The following ZNF606 variants were observed in gnomAD, a reference collection of about 807,000 sequenced individuals.
ZNF606 encodes the protein zinc finger protein 606.
A neutral mutation model predicts 74.9 loss-of-function variants in ZNF606; 37 were observed. That is an observed-to-expected ratio of 0.49 (90% CI 0.38 to 0.65). The LOEUF (loss-of-function observed/expected upper bound fraction) is 0.65, where lower values mean the gene tolerates loss of function less well. ZNF606 is among the 30% of genes least tolerant of loss of function. The probability of loss-of-function intolerance (pLI) is 0.00; values close to 1 mark genes in which losing one functional copy is unlikely to be tolerated. For synonymous variants in ZNF606, 328 were observed against 312.4 expected (o/e 1.05, Z -0.53); for missense variants, 852 against 952.9 (o/e 0.89, Z 1.39).
intron 4 of ZNF606, chr19:57,997,414 GCTTT>G (rs1174226990): frequency 6.6e-6 from 1 of 152,180 alleles, no homozygotes; most frequent in African/African-American, 2.4e-5. Context: ...CCAGATAAAT[GCTTT>G]ATTTCAATAA....
At chr19:57,989,941 A>T (rs1490244639) in intron 4 of ZNF606, among the ~76,000 whole-genome samples, 1 of 149,160 alleles carries the variant, frequency 6.7e-6, no homozygotes, top group East Asian at 2.1e-4. Flanking sequence ...AATCCCAGCT[A>T]CTTGGGAGGC....
intron 4 of ZNF606, among the ~76,000 whole-genome samples, chr19:57,991,605 AC>A (rs1170924023): frequency 6.6e-6 from 1 of 151,656 alleles, no homozygotes; most frequent in Non-Finnish European, 1.5e-5. Flanking sequence ...GATGATGAAA[AC>A]CCGTCTCTAC....
intron 6 of ZNF606, among the ~76,000 whole-genome samples, chr19:57,983,346 G>C (rs557729622): frequency 6.6e-6 from 1 of 152,094 alleles, no homozygotes; most frequent in South Asian, 2.1e-4. Flanking sequence ...AAGCTGAGGC[G>C]GGTGGATTAC....
intron 6 of ZNF606, among the ~76,000 whole-genome samples, chr19:57,985,933 C>T (rs1479616751): frequency 5.4e-5 from 8 of 149,380 alleles, no homozygotes; most frequent in African/African-American, 2.0e-4. Context: ...GAGTCTGTCT[C>T]AATAAATAAA....
At chr19:58,002,836 G>T (rs766096623), upstream of ZNF606, 2 of 447,780 alleles carry the variant, frequency 4.5e-6, no homozygotes, top group Admixed American at 2.4e-5. Context: ...GCGCCGCGGG[G>T]TCTGCTGGGA....
At chr19:58,000,327 T>G (rs966909603) in intron 3 of ZNF606, 10 of 511,878 alleles carry the variant, frequency 2.0e-5, no homozygotes, top group African/African-American at 1.7e-4. Flanking sequence ...CTTCACGCCA[T>G]TCTCCTGCCT....
chr19:58,000,756 G>C lies in ZNF606; in HGVS notation c.32-17C>G, dbSNP rs764242665. The C allele has an allele frequency of 2.6e-6, 4 of 1,550,740 alleles. No homozygotes were observed. In the South Asian group the frequency reaches 3.6e-5, roughly 14 times the overall value. On this transcript the variant is annotated splice_polypyrimidine_tract_variant and intron_variant, in intron 2 of 6. Coordinates refer to ENST00000551380, the MANE Select transcript of ZNF606 (RefSeq NM_001348022.3). ...TAAGGGCACCTGCACAGAAGGATCA[G>C]GTTAGGACTGTGACACCAAACCTAG...
At chr19:57,997,756 CAG>C (rs1478548112) in intron 4 of ZNF606, 1 of 152,242 alleles carries the variant, frequency 6.6e-6, no homozygotes, top group East Asian at 1.9e-4. Context: ...TTCTACTCCT[CAG>C]AGTCTGATTC....
chr19:57,980,972 A>G (rs1444332830), intron 6 of ZNF606, among the ~76,000 whole-genome samples: 1 of 152,148 alleles, frequency 6.6e-6, no homozygotes, highest in African/African-American at 2.4e-5. Flanking sequence ...TGTTCTAACT[A>G]GTAAGAGTGT....
intron 4 of ZNF606, chr19:57,997,347 A>G (rs1165232161): frequency 2.0e-5 from 3 of 152,254 alleles, no homozygotes; most frequent in African/African-American, 7.2e-5. Flanking sequence ...ACTATTCAAC[A>G]TACTTCCATG....
At chr19:57,988,518 A>G (rs948347862) in intron 5 of ZNF606, 77 bp downstream of exon 5, 12 of 1,553,602 alleles carry the variant, frequency 7.7e-6, no homozygotes, top group Middle Eastern at 3.5e-4. Context: ...CGCCCCTGCA[A>G]TGAGCTTCTA....
In ZNF606 at chr19:58,002,693, A is replaced by G; in HGVS notation, c.-349T>C. 1 of 454,010 alleles carries G rather than the reference A, an allele frequency of 2.2e-6. No individual in the cohort carries two copies. Among genetic ancestry groups the G allele is most frequent in the Non-Finnish European group, 4.4e-6 (1 of 225,952 alleles). The allele number at this position is 454,010 out of a possible 1,614,324, so 28.1% of individuals were successfully genotyped here. ...CGCGGAAAGGGCAGGCGCAGGACCC[A>G]CCCTGACGCCGCCTCTCCCAGCCGG... is the stretch of plus-strand genomic sequence containing the variant. On this transcript the variant is annotated 5_prime_UTR_variant, in exon 1 of 7. Transcript: ENST00000551380.
chr19:58,000,549 T>C (rs1199934646), intron 3 of ZNF606, 134 bp downstream of exon 3: 2 of 973,978 alleles, frequency 2.1e-6, no homozygotes, highest in South Asian at 2.6e-5. Flanking sequence ...TTGTTCCAGC[T>C]CTGCACAGAG....
chr19:57,988,602 G>A lies in ZNF606; in HGVS notation c.297C>T (p.Leu99=), dbSNP rs746840235. The A allele has an allele frequency of 6.2e-7, 1 of 1,613,482 alleles. No individual in the cohort carries two copies. The highest frequency in any genetic ancestry group is 1.3e-5 in the African/African-American group (1 of 74,912). The change falls in exon 5 of 7, where the codon CTC becomes CTT. Residue 99 remains leucine, a synonymous_variant. Coordinates refer to ENST00000551380, the MANE Select transcript of ZNF606 (RefSeq NM_001348022.3). ...GGGCAGCACCTGCCTTACCCACAGA[G>A]AGCAGGTGACCATAGGTCTCCAGCA... ...DVMLETYGHL[L]SVGNQIAKPE... is the part of the protein sequence containing the mutation.
intron 6 of ZNF606, among the ~76,000 whole-genome samples, chr19:57,987,068 C>A (rs937645970): frequency 1.3e-5 from 2 of 152,064 alleles, no homozygotes; most frequent in African/African-American, 4.8e-5. Flanking sequence ...CCAGCCTGGG[C>A]AGAAGAGCAA....
Position 57,978,815 on chromosome 19 carries a change from T to C in ZNF606, c.1865A>G (p.Lys622Arg), listed in dbSNP as rs764955036. ...TCCACATTTATTACATTCATAGGGC[T>C]TAATTCCAGAATGAATTATCTCATG... The part of the protein sequence containing the change: ...TKHEIIHSGI[K>R]PYECNKCGKS... The change falls in exon 7 of 7, where the codon AAG becomes AGG. Residue 622 changes from lysine to arginine, a missense_variant. Coordinates refer to ENST00000551380, the MANE Select transcript of ZNF606 (RefSeq NM_001348022.3). The surrounding 1 kb of genome is among the most constrained non-coding windows in gnomAD (Gnocchi z 4.4). 5.6e-6 allele frequency: 9 copies of C among 1,614,132 alleles called. No homozygotes were observed. The Admixed American group carries it at 1.3e-4, about 24-fold the overall frequency.
Position 57,978,880 on chromosome 19 carries a change from T to C in ZNF606, c.1800A>G (p.Glu600=). ...AGCGTTCTCTGAATGCTTTGCCACATTCCTGACAGTTATATGGTTTCTCTC... is the reference window on the plus strand; with the variant it reads ...AGCGTTCTCTGAATGCTTTGCCACACTCCTGACAGTTATATGGTTTCTCTC... ...HTGEKPYNCQ[E]CGKAFRERSA... Residue 600 remains glutamate, a synonymous_variant, in exon 7 of 7, where the codon GAA becomes GAG. Coordinates refer to ENST00000551380, the MANE Select transcript of ZNF606 (RefSeq NM_001348022.3). The surrounding 1 kb of genome is among the most constrained non-coding windows in gnomAD (Gnocchi z 4.4). 1 of 1,614,146 alleles carries C rather than the reference T, an allele frequency of 6.2e-7. No individual in the cohort carries two copies. The highest frequency in any genetic ancestry group is 8.5e-7 in the Non-Finnish European group (1 of 1,180,014).
chr19:57,998,410 T>C (rs996050787), intron 4 of ZNF606: 4 of 152,090 alleles, frequency 2.6e-5, no homozygotes, highest in Non-Finnish European at 5.9e-5. Context: ...TGCTACAATA[T>C]GGGTAACTCT....
chr19:57,988,017 G>T (rs999662772), intron 6 of ZNF606, among the ~76,000 whole-genome samples, 190 bp downstream of exon 6: 5 of 152,178 alleles, frequency 3.3e-5, no homozygotes, highest in African/African-American at 1.2e-4. Context: ...AGCCGACAGC[G>T]AGGGAAAATG....
Sources: allele counts gnomAD v4.1 joint callset (sites outside exome capture counted in the v4.1 genomes callset), GRCh38; gene constraint gnomAD v4.1.1; non-coding constraint Gnocchi (gnomAD v3.1); transcripts MANE v1.5; gene names NCBI Gene and HGNC (gene_info 2026-07-23, HGNC 2026-07-21).